The following FOXP2 variants were observed in gnomAD, a reference collection of about 807,000 sequenced individuals.
The protein encoded by FOXP2 is forkhead box protein P2.
FOXP2 carries 12 observed loss-of-function variants against 115.8 expected under a neutral mutation model. The observed-to-expected ratio is 0.10, with a 90% confidence interval of 0.07 to 0.17. The LOEUF (loss-of-function observed/expected upper bound fraction) is 0.17. FOXP2 is among the 10% of genes least tolerant of loss of function. The pLI, the probability that FOXP2 is intolerant of heterozygous loss-of-function variation, is 1.00. For synonymous variants in FOXP2, 328 were observed against 297.7 expected, an observed-to-expected ratio of 1.10 and a Z score of -1.05; for missense variants, 629 against 843.5, an observed-to-expected ratio of 0.75 and a Z score of 3.15.
chr7:114,203,867 A>C (rs1444222272), intron 1 of FOXP2, among the ~76,000 whole-genome samples: 1 of 152,124 alleles, frequency 6.6e-6, no homozygotes, highest in South Asian at 2.1e-4. Flanking sequence ...TTAACACCAT[A>C]AATAGAAAAA....
At chr7:114,522,881 G>A (rs191662519) in intron 2 of FOXP2, among the ~76,000 whole-genome samples, 4 of 152,066 alleles carry the variant, frequency 2.6e-5, no homozygotes, top group East Asian at 1.9e-4. Flanking sequence ...TCTGTAAAAT[G>A]TATCTTTGTG....
chr7:114,354,529 A>T (rs1448066154), intron 2 of FOXP2, among the ~76,000 whole-genome samples: 1 of 152,114 alleles, frequency 6.6e-6, no homozygotes, highest in Non-Finnish European at 1.5e-5. Flanking sequence ...ATGAATGAAG[A>T]GGTACTTTCT....
intron 10 of FOXP2, chr7:114,656,653 G>C: frequency 4.5e-6 from 1 of 223,830 alleles, no homozygotes; most frequent in Non-Finnish European, 9.6e-6. Flanking sequence ...CAGAATAACA[G>C]TTTGTGGTTT....
At chr7:114,180,555 C>A (rs141000749) in intron 1 of FOXP2, among the ~76,000 whole-genome samples, 1 of 152,054 alleles carries the variant, frequency 6.6e-6, no homozygotes, top group Non-Finnish European at 1.5e-5. Flanking sequence ...CATAAGAATT[C>A]ATCTAAATAC....
intron 2 of FOXP2, among the ~76,000 whole-genome samples, chr7:114,455,880 C>T (rs1284173788): frequency 6.6e-6 from 1 of 152,144 alleles, no homozygotes; most frequent in African/African-American, 2.4e-5. Flanking sequence ...GTCTGTCCTG[C>T]CTCACCATGC....
chr7:114,297,960 A>G (rs149250279), intron 2 of FOXP2, among the ~76,000 whole-genome samples: 2,273 of 152,264 alleles, frequency 0.015, 25 homozygotes, highest in African/African-American at 0.027. Context: ...TATATTCTAT[A>G]CTTATTTCCT....
chr7:114,403,012 G>A (rs1266893431), intron 2 of FOXP2, among the ~76,000 whole-genome samples: 1 of 152,120 alleles, frequency 6.6e-6, no homozygotes, highest in Admixed American at 6.6e-5. Flanking sequence ...TATGTTCATA[G>A]ACTGTCTAGA....
At chr7:114,260,659 T>G (rs1004214322) in intron 1 of FOXP2, among the ~76,000 whole-genome samples, 2 of 152,110 alleles carry the variant, frequency 1.3e-5, no homozygotes, top group African/African-American at 4.8e-5. Context: ...CATGAACAAC[T>G]AAGGATTTTT....
chr7:114,507,911 C>T (rs1013530870), intron 2 of FOXP2, among the ~76,000 whole-genome samples: 1 of 151,758 alleles, frequency 6.6e-6, no homozygotes, highest in Non-Finnish European at 1.5e-5. Flanking sequence ...GAGTATTCCC[C>T]TGGAAGACTC....
At position 114,166,966 on chromosome 7, in the gene FOXP2, G is replaced by T. The variant is rs562164060; in HGVS notation, c.-102+3878G>T. 7.9e-5 allele frequency among the ~76,000 whole-genome samples: 12 copies of T among 152,290 alleles called. No homozygotes were observed. The South Asian group carries it at 2.5e-3, about 32-fold the overall frequency. On this transcript the variant is annotated intron_variant, in intron 1 of 17. Transcript: ENST00000634411. ...GGAGCAATGGGAATTCTCACTCATT[G>T]CTGATGGAATGCAAAGTCATATAAC...
At chr7:114,597,561 A>C (rs1341480172) in intron 3 of FOXP2, among the ~76,000 whole-genome samples, 1 of 152,160 alleles carries the variant, frequency 6.6e-6, no homozygotes. Context: ...ACTACATTTC[A>C]TCAGTAAGCC....
At chr7:114,253,510 C>G (rs1795512533) in intron 1 of FOXP2, among the ~76,000 whole-genome samples, 2 of 152,088 alleles carry the variant, frequency 1.3e-5, no homozygotes, top group Admixed American at 1.3e-4. Context: ...GGATAGTTAG[C>G]TCTTCTTGTT....
Position 114,308,384 on chromosome 7 carries a change from G to A in FOXP2, c.-11+20275G>A, listed in dbSNP as rs114985563. 2.6e-3 allele frequency among the ~76,000 whole-genome samples: 397 copies of A among 152,286 alleles called. 3 individuals carry two copies. The highest frequency in any genetic ancestry group is 9.2e-3 in the African/African-American group (382 of 41,554). On this transcript the variant is annotated intron_variant, in intron 2 of 17. Transcript: ENST00000634411. ...TTGAACTCCCTAGGTCTCCTCGTAA[G>A]TGAGGATTACTTTGGATAAAGTAAA...
intron 3 of FOXP2, among the ~76,000 whole-genome samples, chr7:114,595,135 C>T (rs772630093): frequency 1.4e-4 from 21 of 151,918 alleles, no homozygotes; most frequent in Non-Finnish European, 1.5e-4. Context: ...TTGATTATAT[C>T]GTACATGACC....
chr7:114,427,804 G>A (rs969352052), intron 2 of FOXP2, among the ~76,000 whole-genome samples: 1 of 151,452 alleles, frequency 6.6e-6, no homozygotes, highest in Non-Finnish European at 1.5e-5. Flanking sequence ...TACATGGGTT[G>A]AATAATGTCT....
intron 9 of FOXP2, among the ~76,000 whole-genome samples, chr7:114,652,530 A>C (rs1440820591): frequency 6.6e-6 from 1 of 152,092 alleles, no homozygotes; most frequent in Admixed American, 6.6e-5. Context: ...ACATCATATG[A>C]ATTTGAATAT....
chr7:114,467,091 T>G (rs535026185), intron 2 of FOXP2, among the ~76,000 whole-genome samples: 1 of 152,296 alleles, frequency 6.6e-6, no homozygotes, highest in Admixed American at 6.5e-5. Context: ...TTCCATAGAT[T>G]TCATTCCCCT....
chr7:114,624,428 A>G (rs912143349), intron 3 of FOXP2, among the ~76,000 whole-genome samples: 3 of 151,926 alleles, frequency 2.0e-5, no homozygotes, highest in African/African-American at 4.8e-5. Flanking sequence ...AATGTCATCT[A>G]TAGATTGTGA....
chr7:114,261,725 G>C (rs1481846577), intron 1 of FOXP2, among the ~76,000 whole-genome samples: 1 of 152,122 alleles, frequency 6.6e-6, no homozygotes, highest in Non-Finnish European at 1.5e-5. Flanking sequence ...TGCATAATAA[G>C]TACTTAAATC....
Sources: gnomAD v4.1 joint callset for allele counts (sites outside exome capture counted in the v4.1 genomes callset) on GRCh38, gnomAD v4.1.1 for gene constraint, MANE v1.5 for transcripts, NCBI Gene and HGNC (gene_info 2026-07-23, HGNC 2026-07-21) for gene names.